The following CENPI variants were observed in gnomAD, a reference collection of about 807,000 sequenced individuals.
CENPI encodes the protein centromere protein I.
A neutral mutation model predicts 60.4 loss-of-function variants in CENPI; 4 were observed. The ratio of observed to expected loss-of-function variants is 0.07; its 90% CI spans 0.03 to 0.15. The LOEUF is 0.15. CENPI is among the 10% of genes least tolerant of loss of function. The pLI, the probability that CENPI is intolerant of heterozygous loss-of-function variation, is 1.00. For missense variants in CENPI, 444 were observed against 534.5 expected, an observed-to-expected ratio of 0.83 and a Z score of 1.67; for synonymous variants, 157 against 189.4, an observed-to-expected ratio of 0.83 and a Z score of 1.40.
At chrX:101,146,827 C>T (rs1038652892) in intron 18 of CENPI, among the ~76,000 whole-genome samples, 6 of 110,941 alleles carry the variant, frequency 5.4e-5, no homozygotes, top group Admixed American at 9.7e-5. Flanking sequence ...CTCTGCCTCC[C>T]GGGTTCAAGC....
chrX:101,100,288 G>A (rs1390270849), intron 2 of CENPI: 2 of 111,856 alleles, frequency 1.8e-5, no homozygotes, highest in Non-Finnish European at 3.8e-5. Context: ...CACCAGTTTG[G>A]CTTTTGAACT....
At chrX:101,154,928 T>C (rs1227996861) in intron 20 of CENPI, among the ~76,000 whole-genome samples, 3 of 112,044 alleles carry the variant, frequency 2.7e-5, no homozygotes, top group East Asian at 5.5e-4. Flanking sequence ...TATCTCATAA[T>C]GTTGAACTCA....
the CENPI span, among the ~76,000 whole-genome samples, chrX:101,176,993 G>A: frequency 2.3e-3 from 261 of 112,021 alleles, no homozygotes; most frequent in Middle Eastern, 4.7e-3. Flanking sequence ...GCACCACATG[G>A]GCCTGTCCTT....
chrX:101,138,030 C>T (rs1171369165), intron 15 of CENPI, among the ~76,000 whole-genome samples: 4 of 8,916 alleles, frequency 4.5e-4, no homozygotes, highest in African/African-American at 1.8e-3. Context: ...TCTTGTTGCC[C>T]AGGCTGGAGT....
At chrX:101,179,629 TCCTGCCTCAG>T in the CENPI span, among the ~76,000 whole-genome samples, 2 of 110,882 alleles carry the variant, frequency 1.8e-5, no homozygotes, top group Non-Finnish European at 3.8e-5. Context: ...CACGCCATTC[TCCTGCCTCAG>T]CCTCCCAAGT....
chrX:101,106,676 A>G (rs2089487244), intron 4 of CENPI, among the ~76,000 whole-genome samples: 1 of 110,683 alleles, frequency 9.0e-6, no homozygotes, highest in Non-Finnish European at 1.9e-5. Flanking sequence ...CATCATTTCT[A>G]TTACCAGATG....
chrX:101,145,127 A>G lies in CENPI; in HGVS notation c.1629A>G (p.Leu543=), dbSNP rs759108988. Residue 543 remains leucine, a synonymous_variant, in exon 17 of 22, where the codon CTA becomes CTG. Transcript: ENST00000682095. Reference sequence around the variant, plus strand: ...AACTGATCCACTATGTAGGGTGGCTATCCACTACTGCAATGCGCTTGGAGA... The same window carrying G: ...AACTGATCCACTATGTAGGGTGGCTGTCCACTACTGCAATGCGCTTGGAGA... ...VSKLIHYVGW[L]STTAMRLESN... The G allele has an allele frequency of 2.5e-6, 3 of 1,201,993 alleles. No homozygotes were observed. Among genetic ancestry groups the G allele is most frequent in the East Asian group, 3.0e-5 (1 of 33,789 alleles).
downstream of CENPI, among the ~76,000 whole-genome samples, chrX:101,166,900 C>G: frequency 8.9e-6 from 1 of 112,274 alleles, no homozygotes; most frequent in Middle Eastern, 4.6e-3. Flanking sequence ...GCTGGGATTA[C>G]AGGCACATGC....
downstream of CENPI, among the ~76,000 whole-genome samples, chrX:101,168,182 A>G (rs1346550639): frequency 8.9e-6 from 1 of 112,906 alleles, no homozygotes; most frequent in Non-Finnish European, 1.9e-5. Context: ...TTGCTTTGCT[A>G]TTAGTTCCTG....
the CENPI span, among the ~76,000 whole-genome samples, chrX:101,181,346 G>T: frequency 8.9e-6 from 1 of 112,103 alleles, no homozygotes; most frequent in Non-Finnish European, 1.9e-5. Flanking sequence ...TGCAAAGAAA[G>T]GCAGTTGGAA....
At chrX:101,111,917 A>G (rs1226649513) in intron 6 of CENPI, among the ~76,000 whole-genome samples, 1 of 111,424 alleles carries the variant, frequency 9.0e-6, no homozygotes, top group African/African-American at 3.3e-5. Flanking sequence ...CTGTAGTCCC[A>G]GCTACTCGGG....
intron 4 of CENPI, among the ~76,000 whole-genome samples, chrX:101,106,417 CTTT>C (rs148918897): frequency 5.2e-5 from 5 of 95,411 alleles, no homozygotes; most frequent in Admixed American, 1.2e-4. Flanking sequence ...TCTATGACAT[CTTT>C]TTTTTTTTTT....
At chrX:101,108,362 C>CTT (rs770638974) in intron 4 of CENPI, among the ~76,000 whole-genome samples, 4 of 105,266 alleles carry the variant, frequency 3.8e-5, no homozygotes, top group Non-Finnish European at 7.9e-5. Context: ...CCCAGCTAAT[C>CTT]TTTTTTTTTT....
At chrX:101,133,398 G>A (rs1430852372) in intron 15 of CENPI, among the ~76,000 whole-genome samples, 1 of 101,123 alleles carries the variant, frequency 9.9e-6, no homozygotes, top group African/African-American at 3.7e-5. Context: ...ATTCTTCCAC[G>A]CTAAAGAGCT....
At chrX:101,108,924 G>A (rs2089518591) in intron 4 of CENPI, among the ~76,000 whole-genome samples, 2 of 111,038 alleles carry the variant, frequency 1.8e-5, no homozygotes, top group Non-Finnish European at 3.8e-5. Context: ...TAGGATTATA[G>A]GCATGAGCCA....
At chrX:101,113,861 C>T (rs780913197) in intron 6 of CENPI, among the ~76,000 whole-genome samples, 1 of 112,155 alleles carries the variant, frequency 8.9e-6, no homozygotes, top group Non-Finnish European at 1.9e-5. Flanking sequence ...TAAATTTTTT[C>T]GGGATATTGA....
chrX:101,178,847 C>G, the CENPI span, among the ~76,000 whole-genome samples: 1 of 112,124 alleles, frequency 8.9e-6, no homozygotes, highest in Admixed American at 9.4e-5. Flanking sequence ...TACATTTTTT[C>G]TTCTTAGCAT....
rs752397950 is a variant in CENPI, at chrX:101,133,085, C to CT, written c.1470+639dup. Among the ~76,000 whole-genome samples the CT allele has an allele frequency of 7.5e-5, 8 of 107,255 alleles. No homozygotes were observed. In the East Asian group the frequency reaches 1.5e-3, roughly 19 times the overall value. The allele number at this position is 107,255 out of a possible 115,157, so 93.1% of individuals were successfully genotyped here. On this transcript the variant is annotated intron_variant, in intron 15 of 21. Transcript: ENST00000682095. ...CAATTAAGTAATTTTTCTTTTATAA[C>CT]TTTTTTTTTTAACCTTAAATCACTT...
At position 101,148,072 on chromosome X, in the gene CENPI, G is replaced by A. The variant is rs1268645277; in HGVS notation, c.2005G>A (p.Glu669Lys). ...KGIYIDPEILEKTGVAEYKNS... is the reference protein window; with the variant it reads ...KGIYIDPEILKKTGVAEYKNS... ...AATATATATTGACCCTGAAATCCTA[G>A]AAAAAACTGGAGTGGCTGAATATAA... is the stretch of plus-strand genomic sequence containing the variant. Residue 669 changes from glutamate (E) to lysine (K), a missense_variant, in exon 20 of 22, where the codon GAA becomes AAA. By Grantham distance (56) the Glu-to-Lys change is moderately conservative. Transcript: ENST00000682095. The A allele has an allele frequency of 8.5e-7, 1 of 1,178,047 alleles. No homozygotes were observed. Among genetic ancestry groups the A allele is most frequent in the Admixed American group, 2.6e-5 (1 of 38,088 alleles).
Sources: gnomAD v4.1 joint callset for allele counts (sites outside exome capture counted in the v4.1 genomes callset) on GRCh38, gnomAD v4.1.1 for gene constraint, MANE v1.5 for transcripts, NCBI Gene and HGNC (gene_info 2026-07-23, HGNC 2026-07-21) for gene names.